The following ATP8A2 variants were observed in gnomAD, a reference collection of about 807,000 sequenced individuals.
The protein encoded by ATP8A2 is ATPase phospholipid transporting 8A2, also known as phospholipid-transporting ATPase IB.
In ATP8A2, 100 loss-of-function variants were observed where a neutral mutation model predicts 165.6. The observed-to-expected ratio is 0.60, with a 90% CI of 0.51 to 0.71. ATP8A2 has a LOEUF of 0.71. ATP8A2 is among the 30% of genes least tolerant of loss of function. ATP8A2 has a pLI of 0.00. For synonymous variants in ATP8A2, 543 were observed against 548.8 expected, an observed-to-expected ratio of 0.99 and a Z score of 0.15; for missense variants, 1,227 against 1,479.5, an observed-to-expected ratio of 0.83 and a Z score of 2.80.
At chr13:25,667,106 C>A (rs2042169922) in intron 24 of ATP8A2, among the ~76,000 whole-genome samples, 1 of 152,082 alleles carries the variant, frequency 6.6e-6, no homozygotes. Context: ...ATTTTCATTA[C>A]CCCCAAATTA....
intron 1 of ATP8A2, among the ~76,000 whole-genome samples, chr13:25,406,301 G>C (rs1454720579): frequency 6.6e-6 from 1 of 152,198 alleles, no homozygotes; most frequent in Non-Finnish European, 1.5e-5. Flanking sequence ...GGGGACTGGT[G>C]GTTCAGAAGG....
intron 24 of ATP8A2, among the ~76,000 whole-genome samples, chr13:25,677,757 C>A (rs2137788090): frequency 6.6e-6 from 1 of 152,248 alleles, no homozygotes; most frequent in East Asian, 1.9e-4. Context: ...TGTTTGAATT[C>A]AAACATTTCA....
intron 24 of ATP8A2, among the ~76,000 whole-genome samples, chr13:25,635,415 A>G (rs2041345130): frequency 6.6e-6 from 1 of 152,168 alleles, no homozygotes; most frequent in African/African-American, 2.4e-5. Flanking sequence ...TCCCATGTGA[A>G]GAGGTAATTG....
chr13:25,528,666 T>TA (rs2037917624), intron 2 of ATP8A2, among the ~76,000 whole-genome samples: 1 of 152,212 alleles, frequency 6.6e-6, no homozygotes, highest in Admixed American at 6.5e-5. Context: ...ATAATCTTTT[T>TA]TTTATTTATT....
intron 3 of ATP8A2, among the ~76,000 whole-genome samples, chr13:25,530,338 AC>A (rs759437508): frequency 3.9e-5 from 6 of 152,198 alleles, no homozygotes; most frequent in Non-Finnish European, 7.3e-5. Context: ...TTAGGGCCAT[AC>A]TTTTAAGCCT....
intron 1 of ATP8A2, among the ~76,000 whole-genome samples, chr13:25,446,449 TC>T (rs1419328212): frequency 1.3e-5 from 2 of 152,216 alleles, no homozygotes; most frequent in Non-Finnish European, 2.9e-5. Context: ...TCATAGGCAT[TC>T]AAATATGCTG....
At chr13:25,926,882 C>T (rs1748104) in intron 33 of ATP8A2, among the ~76,000 whole-genome samples, 129,860 of 152,200 alleles carry the variant, frequency 0.85, 55,667 homozygotes, top group East Asian at 1. Flanking sequence ...GCAGAGCTCT[C>T]GGAAATGTTT....
chr13:25,711,533 G>A (rs1358804689), intron 25 of ATP8A2, among the ~76,000 whole-genome samples: 1 of 151,748 alleles, frequency 6.6e-6, no homozygotes, highest in Non-Finnish European at 1.5e-5. Flanking sequence ...AACACAGTGA[G>A]ACCACATCTC....
At chr13:25,678,161 T>A (rs1300970787) in intron 24 of ATP8A2, among the ~76,000 whole-genome samples, 1 of 152,210 alleles carries the variant, frequency 6.6e-6, no homozygotes, top group Admixed American at 6.5e-5. Context: ...CCCTAGCACC[T>A]GTCAAGGCAC....
intron 27 of ATP8A2, among the ~76,000 whole-genome samples, chr13:25,779,974 ATAGAG>A (rs1362310036): frequency 6.6e-6 from 1 of 152,218 alleles, no homozygotes. Flanking sequence ...GGTTTTCTTA[ATAGAG>A]TACAGTTTCA....
At chr13:25,656,856 T>A (rs964829460) in intron 24 of ATP8A2, among the ~76,000 whole-genome samples, 14 of 151,376 alleles carry the variant, frequency 9.2e-5, no homozygotes, top group Admixed American at 7.2e-4. Context: ...AGTTCAAAAC[T>A]AGCCTGGGTA....
At chr13:25,644,799 A>G (rs2137589844) in intron 24 of ATP8A2, among the ~76,000 whole-genome samples, 1 of 152,214 alleles carries the variant, frequency 6.6e-6, no homozygotes, top group East Asian at 1.9e-4. Flanking sequence ...TATATGTAGA[A>G]ATTTATCCAC....
At chr13:25,776,888 C>T (rs1411463308) in intron 27 of ATP8A2, among the ~76,000 whole-genome samples, 1 of 152,114 alleles carries the variant, frequency 6.6e-6, no homozygotes, top group Non-Finnish European at 1.5e-5. Context: ...TCAAGACATT[C>T]TGCGTGGAGC....
chr13:25,747,923 A>G (rs1014108612), intron 25 of ATP8A2, among the ~76,000 whole-genome samples: 22 of 151,794 alleles, frequency 1.4e-4, no homozygotes, highest in Non-Finnish European at 3.2e-4. Context: ...TTCTACAAGT[A>G]TATAAGTTTT....
intron 25 of ATP8A2, among the ~76,000 whole-genome samples, chr13:25,737,839 A>G (rs577486068): frequency 5.2e-4 from 79 of 152,200 alleles, no homozygotes; most frequent in African/African-American, 1.5e-3. Context: ...CCTGGCCACC[A>G]TGCCTGACTA....
At chr13:25,564,889 G>T (rs528461075) in intron 16 of ATP8A2, among the ~76,000 whole-genome samples, 1 of 144,972 alleles carries the variant, frequency 6.9e-6, no homozygotes, top group East Asian at 2.3e-4. Flanking sequence ...AGTCCCCAAA[G>T]TCCGTTGTAT....
At chr13:25,946,074 C>T (rs1318842285) in intron 33 of ATP8A2, among the ~76,000 whole-genome samples, 1 of 152,126 alleles carries the variant, frequency 6.6e-6, no homozygotes, top group Non-Finnish European at 1.5e-5. Context: ...CTTGATTTTA[C>T]AGAGGAGGAA....
chr13:25,417,464 C>T (rs772294030), intron 1 of ATP8A2, among the ~76,000 whole-genome samples: 2 of 82,662 alleles, frequency 2.4e-5, no homozygotes. Context: ...ATTGGACAAC[C>T]TGTAAGTCTA....
intron 5 of ATP8A2, among the ~76,000 whole-genome samples, chr13:25,532,801 G>A (rs1410444750): frequency 1.3e-5 from 2 of 151,888 alleles, no homozygotes; most frequent in African/African-American, 2.4e-5. Context: ...TGAGTAGCTG[G>A]GACTACAGGC....
Sources: gnomAD v4.1 joint callset for allele counts (sites outside exome capture counted in the v4.1 genomes callset) on GRCh38, gnomAD v4.1.1 for gene constraint, MANE v1.5 for transcripts, NCBI Gene and HGNC (gene_info 2026-07-23, HGNC 2026-07-21) for gene names.